The following CHCHD6 variants were observed in gnomAD, a reference collection of about 807,000 sequenced individuals.
The protein encoded by CHCHD6 is coiled-coil-helix-coiled-coil-helix domain containing 6.
In CHCHD6, 28 loss-of-function variants were observed where a neutral mutation model predicts 32.3. The ratio of observed to expected loss-of-function variants is 0.87; its 90% confidence interval spans 0.64 to 1.19. CHCHD6 has a LOEUF of 1.19. Among genes scored for constraint, CHCHD6 ranks in the 50% most tolerant of loss-of-function variants. CHCHD6 has a pLI of 0.00. For synonymous variants in CHCHD6, 122 were observed against 117.5 expected (o/e 1.04, Z -0.25); for missense variants, 333 against 307.0 (o/e 1.08, Z -0.63).
At chr3:126,923,782 G>T (rs2078285762) in intron 6 of CHCHD6, among the ~76,000 whole-genome samples, 1 of 152,224 alleles carries the variant, frequency 6.6e-6, no homozygotes, top group Admixed American at 6.5e-5. Context: ...AAAGTGTCAG[G>T]CACGTAGTAA....
At position 126,762,691 on chromosome 3, in the gene CHCHD6, A is replaced by G. The variant is rs371052176; in HGVS notation, c.411+29469A>G. On this transcript the variant is annotated intron_variant, in intron 4 of 7. Transcript: ENST00000290913. ...TAGGGTATTGAAATCTTGAACTTTT[A>G]GAACTATTTGTCCCTTTTATTTTAT... Among the ~76,000 whole-genome samples, 16 of 152,294 alleles carry G rather than the reference A, an allele frequency of 1.1e-4. 1 individual carries two copies. The South Asian group carries it at 3.1e-3, about 30-fold the overall frequency.
chr3:126,768,909 T>C (rs1937484699), intron 4 of CHCHD6, among the ~76,000 whole-genome samples: 1 of 152,250 alleles, frequency 6.6e-6, no homozygotes, highest in African/African-American at 2.4e-5. Context: ...ATTAATTTGC[T>C]TAAGTTTCTT....
chr3:126,725,903 C>A (rs912246217), intron 1 of CHCHD6, among the ~76,000 whole-genome samples: 4 of 152,218 alleles, frequency 2.6e-5, no homozygotes, highest in African/African-American at 9.6e-5. Flanking sequence ...CTTGATTAGG[C>A]TTTTGCTTAA....
intron 4 of CHCHD6, among the ~76,000 whole-genome samples, chr3:126,848,502 G>A (rs1576490165): frequency 6.6e-6 from 1 of 152,310 alleles, no homozygotes; most frequent in African/African-American, 2.4e-5. Context: ...AGATTGTAAT[G>A]CTAGCTGGAT....
At chr3:126,803,160 C>T (rs931638859) in intron 4 of CHCHD6, among the ~76,000 whole-genome samples, 49 of 151,468 alleles carry the variant, frequency 3.2e-4, no homozygotes, top group African/African-American at 1.1e-3. Context: ...CATCAACTAA[C>T]GAGCAAAATA....
Position 126,957,549 on chromosome 3 carries a change from A to T in CHCHD6, c.700A>T (p.Lys234Ter), listed in dbSNP as rs1296260281. The T allele has an allele frequency of 8.9e-6, 14 of 1,564,736 alleles. No homozygotes were observed. Among genetic ancestry groups the T allele is most frequent in the Non-Finnish European group, 1.2e-5 (14 of 1,154,818 alleles). ...AYQRCVSAAH[K>*]G ...CCAGCGCTGCGTGAGCGCCGCCCACAAGGTAAGGCCTTGCCTGCCTCCCAG... is the reference window on the plus strand; with the variant it reads ...CCAGCGCTGCGTGAGCGCCGCCCACTAGGTAAGGCCTTGCCTGCCTCCCAG... Residue 234 changes from lysine to a stop codon, truncating the protein, a stop_gained and splice_region_variant, in exon 7 of 8, where the codon AAG becomes TAG. Coordinates refer to ENST00000290913, the MANE Select transcript of CHCHD6 (RefSeq NM_032343.3). LOFTEE classifies it high-confidence loss of function.
chr3:126,918,066 C>T (rs540621568), intron 6 of CHCHD6, among the ~76,000 whole-genome samples: 75 of 152,274 alleles, frequency 4.9e-4, no homozygotes, highest in Non-Finnish European at 9.1e-4. Flanking sequence ...TAGAGTAGAA[C>T]AGATTTGATA....
chr3:126,894,579 CTGTG>C (rs1316446882), intron 5 of CHCHD6, among the ~76,000 whole-genome samples: 2 of 152,184 alleles, frequency 1.3e-5, no homozygotes, highest in Non-Finnish European at 2.9e-5. Flanking sequence ...ATTTCTTCCT[CTGTG>C]TGTGCTCAAC....
At chr3:126,869,251 G>A (rs1185881988) in intron 5 of CHCHD6, among the ~76,000 whole-genome samples, 1 of 147,006 alleles carries the variant, frequency 6.8e-6, no homozygotes, top group Non-Finnish European at 1.5e-5. Context: ...CATCTGGGAC[G>A]ACTTTGCATT....
intron 5 of CHCHD6, among the ~76,000 whole-genome samples, chr3:126,872,581 A>C (rs2077490233): frequency 6.6e-6 from 1 of 152,156 alleles, no homozygotes; most frequent in South Asian, 2.1e-4. Flanking sequence ...TTAGGTTAGA[A>C]GCTGGATTCC....
At chr3:126,808,311 C>G (rs1360808065) in intron 4 of CHCHD6, among the ~76,000 whole-genome samples, 1 of 152,124 alleles carries the variant, frequency 6.6e-6, no homozygotes, top group Non-Finnish European at 1.5e-5. Flanking sequence ...TTGGAAGGGA[C>G]ATTCCATCAC....
intron 6 of CHCHD6, among the ~76,000 whole-genome samples, chr3:126,956,170 A>G (rs1200253525): frequency 1.3e-5 from 2 of 152,106 alleles, no homozygotes; most frequent in African/African-American, 4.8e-5. Flanking sequence ...CCTGGAGTGG[A>G]GCTGTGGCAT....
chr3:126,860,460 G>C (rs138907223), intron 5 of CHCHD6, among the ~76,000 whole-genome samples: 1,735 of 151,718 alleles, frequency 0.011, 29 homozygotes, highest in African/African-American at 0.039. Context: ...TTGGGGAAAG[G>C]GGGGAGGGAT....
intron 5 of CHCHD6, among the ~76,000 whole-genome samples, chr3:126,895,206 A>G (rs939450206): frequency 2.0e-5 from 3 of 152,236 alleles, no homozygotes; most frequent in Non-Finnish European, 4.4e-5. Context: ...GGAACCTTCA[A>G]ATCAATGTGA....
At chr3:126,891,187 A>G (rs2077754107) in intron 5 of CHCHD6, among the ~76,000 whole-genome samples, 1 of 152,184 alleles carries the variant, frequency 6.6e-6, no homozygotes. Context: ...TGCAGCCCCA[A>G]GTATACCATG....
At chr3:126,721,208 C>T (rs1434708475) in intron 1 of CHCHD6, among the ~76,000 whole-genome samples, 2 of 152,204 alleles carry the variant, frequency 1.3e-5, no homozygotes, top group African/African-American at 4.8e-5. Context: ...AGCGTCTCCT[C>T]GGGATGGTTG....
intron 4 of CHCHD6, among the ~76,000 whole-genome samples, chr3:126,741,108 G>A (rs1254428100): frequency 6.6e-6 from 1 of 152,186 alleles, no homozygotes; most frequent in Non-Finnish European, 1.5e-5. Flanking sequence ...TGTTAGAAAT[G>A]TTATCCTAGA....
In CHCHD6 at chr3:126,719,375, C is replaced by A. The variant is rs557938292; in HGVS notation, c.88-7703C>A. Among the ~76,000 whole-genome samples the A allele has an allele frequency of 4.6e-5, 7 of 152,328 alleles. No homozygotes were observed. The East Asian group carries it at 1.3e-3, about 29-fold the overall frequency. On this transcript the variant is annotated intron_variant, in intron 1 of 7. Coordinates refer to ENST00000290913, the MANE Select transcript of CHCHD6 (RefSeq NM_032343.3). ...GCTAAGCAGGCTTCCCTAGTGCATGCGGCTTCTTGCCCCCCCTGCCCTGCA... is the reference window on the plus strand; with the variant it reads ...GCTAAGCAGGCTTCCCTAGTGCATGAGGCTTCTTGCCCCCCCTGCCCTGCA...
chr3:126,852,034 C>A (rs1941492529), intron 4 of CHCHD6, among the ~76,000 whole-genome samples: 1 of 152,176 alleles, frequency 6.6e-6, no homozygotes, highest in Non-Finnish European at 1.5e-5. Context: ...CAACCATCCC[C>A]ATCAGGCGGG....
Sources: gnomAD v4.1 joint callset for allele counts (sites outside exome capture counted in the v4.1 genomes callset) on GRCh38, gnomAD v4.1.1 for gene constraint, MANE v1.5 for transcripts, NCBI Gene and HGNC (gene_info 2026-07-23, HGNC 2026-07-21) for gene names.